Variants in PLCB1 observed in about 807,000 individuals in gnomAD.
PLCB1 encodes the protein phospholipase C beta 1, also known as 1-phosphatidylinositol 4,5-bisphosphate phosphodiesterase beta-1.
A neutral mutation model predicts 161.8 loss-of-function variants in PLCB1; 46 were observed. The ratio of observed to expected loss-of-function variants is 0.28; its 90% CI spans 0.22 to 0.36. The LOEUF is 0.36. Ranked by LOEUF, PLCB1 falls within the 10% of genes least tolerant of loss-of-function variation. The pLI is 1.00. For missense variants in PLCB1, 1,016 were observed against 1,472.5 expected (o/e 0.69, Z 5.07); for synonymous variants, 517 against 503.7 (o/e 1.03, Z -0.35).
At chr20:8,241,285 T>C (rs1980597915) in intron 2 of PLCB1, among the ~76,000 whole-genome samples, 1 of 151,926 alleles carries the variant, frequency 6.6e-6, no homozygotes, top group Non-Finnish European at 1.5e-5. Context: ...TTGGGTTCAT[T>C]CTCTATGAGT....
intron 2 of PLCB1, among the ~76,000 whole-genome samples, chr20:8,308,902 A>G (rs918859814): frequency 6.6e-6 from 1 of 152,058 alleles, no homozygotes; most frequent in African/African-American, 2.4e-5. Flanking sequence ...TGAATCCCAG[A>G]TAGGGACTCA....
intron 3 of PLCB1, among the ~76,000 whole-genome samples, chr20:8,446,914 C>T (rs8115925): frequency 0.076 from 11,478 of 151,886 alleles, 502 homozygotes; most frequent in Middle Eastern, 0.12. Context: ...TTACTTGATG[C>T]ACAATTTGGA....
intron 3 of PLCB1, among the ~76,000 whole-genome samples, chr20:8,417,795 T>A (rs1979367483): frequency 5.3e-5 from 8 of 152,202 alleles, no homozygotes; most frequent in Admixed American, 5.2e-4. Context: ...TCAAATACCA[T>A]CTTGGATACC....
At chr20:8,681,096 A>ATATAT (rs1555782789) in intron 9 of PLCB1, among the ~76,000 whole-genome samples, 2 of 99,050 alleles carry the variant, frequency 2.0e-5, no homozygotes, top group Non-Finnish European at 3.8e-5. Flanking sequence ...GTATATATAT[A>ATATAT]TATATATATA....
intron 23 of PLCB1, among the ~76,000 whole-genome samples, chr20:8,747,488 A>T (rs1981231247): frequency 6.6e-6 from 1 of 152,220 alleles, no homozygotes; most frequent in Non-Finnish European, 1.5e-5. Context: ...GTCTTCGTGT[A>T]ATATTGATGT....
In PLCB1 at chr20:8,428,115, A is replaced by G. The variant is rs1395764751; in HGVS notation, c.246+56665A>G. Among the ~76,000 whole-genome samples, 3 of 152,236 alleles carry G rather than the reference A, an allele frequency of 2.0e-5. No individual in the cohort carries two copies. The East Asian group carries it at 5.8e-4, about 29-fold the overall frequency. On this transcript the variant is annotated intron_variant, in intron 3 of 31. Coordinates refer to ENST00000338037, the MANE Select transcript of PLCB1 (RefSeq NM_015192.4). Reference sequence around the variant, plus strand: ...AAACAGATACAACCAGGTTGGGTCCAAATGATTCAGGACATTCTCAGCAAC... The same window carrying G: ...AAACAGATACAACCAGGTTGGGTCCGAATGATTCAGGACATTCTCAGCAAC...
intron 3 of PLCB1, among the ~76,000 whole-genome samples, chr20:8,478,814 TCTG>T (rs1437858912): frequency 6.6e-6 from 1 of 152,174 alleles, no homozygotes; most frequent in Non-Finnish European, 1.5e-5. Context: ...AAAAAAATTT[TCTG>T]CTACTAATGA....
chr20:8,828,534 C>T (rs1985824821), intron 31 of PLCB1, among the ~76,000 whole-genome samples: 1 of 152,164 alleles, frequency 6.6e-6, no homozygotes, highest in Non-Finnish European at 1.5e-5. Context: ...AGGATGAGCT[C>T]ACTAATAAGA....
intron 31 of PLCB1, among the ~76,000 whole-genome samples, chr20:8,814,029 G>A (rs995784292): frequency 2.2e-4 from 34 of 152,266 alleles, no homozygotes; most frequent in African/African-American, 7.7e-4. Context: ...ACTACCAGAA[G>A]TGGGGTTCAG....
At chr20:8,798,710 T>C (rs1378823092) in intron 31 of PLCB1, among the ~76,000 whole-genome samples, 1 of 152,082 alleles carries the variant, frequency 6.6e-6, no homozygotes, top group Non-Finnish European at 1.5e-5. Context: ...TCAGCAACAA[T>C]GCCTGAGTAT....
intron 3 of PLCB1, among the ~76,000 whole-genome samples, chr20:8,417,054 CATAT>C (rs1568667963): frequency 3.7e-3 from 139 of 38,014 alleles, no homozygotes; most frequent in East Asian, 8.7e-3. Context: ...CACACACACA[CATAT>C]ATATATATAT....
At chr20:8,410,347 CA>C (rs1157010516) in intron 3 of PLCB1, among the ~76,000 whole-genome samples, 1 of 152,116 alleles carries the variant, frequency 6.6e-6, no homozygotes, top group Admixed American at 6.5e-5. Context: ...AGTATTTTCT[CA>C]AAGTAGTTGC....
chr20:8,202,949 G>A (rs1489379042), intron 2 of PLCB1, among the ~76,000 whole-genome samples: 2 of 152,116 alleles, frequency 1.3e-5, no homozygotes, highest in African/African-American at 4.8e-5. Context: ...GGGGGAGCGA[G>A]TCAAAACACT....
intron 3 of PLCB1, among the ~76,000 whole-genome samples, chr20:8,435,740 A>T (rs1025154235): frequency 2.6e-5 from 4 of 152,182 alleles, no homozygotes; most frequent in Non-Finnish European, 5.9e-5. Context: ...CCTTAGTTAC[A>T]GTCTTATGAG....
At chr20:8,297,830 C>T (rs1983706385) in intron 2 of PLCB1, among the ~76,000 whole-genome samples, 2 of 151,986 alleles carry the variant, frequency 1.3e-5, no homozygotes, top group Admixed American at 1.3e-4. Context: ...AGAGAGGCCA[C>T]CTTCAATTCT....
At chr20:8,669,017 T>C (rs1294588240) in intron 9 of PLCB1, among the ~76,000 whole-genome samples, 2 of 152,216 alleles carry the variant, frequency 1.3e-5, no homozygotes, top group South Asian at 2.1e-4. Context: ...ATCTAACTTA[T>C]GAACTGCTAG....
intron 2 of PLCB1, among the ~76,000 whole-genome samples, chr20:8,320,557 G>A (rs1984864220): frequency 6.6e-6 from 1 of 152,056 alleles, no homozygotes; most frequent in African/African-American, 2.4e-5. Context: ...CTTCAGTTAG[G>A]GTTTCCATAT....
chr20:8,333,387 A>C (rs752616527), intron 2 of PLCB1, among the ~76,000 whole-genome samples: 102 of 152,240 alleles, frequency 6.7e-4, no homozygotes, highest in Non-Finnish European at 2.8e-4. Flanking sequence ...ATGAATGTCC[A>C]GCTTTTTACA....
chr20:8,458,312 C>A (rs186931662), intron 3 of PLCB1, among the ~76,000 whole-genome samples: 2 of 152,030 alleles, frequency 1.3e-5, no homozygotes, highest in Non-Finnish European at 2.9e-5. Flanking sequence ...GGCCATTGTC[C>A]GTTTGTATAT....
Sources: gnomAD v4.1 joint callset for allele counts (sites outside exome capture counted in the v4.1 genomes callset) on GRCh38, gnomAD v4.1.1 for gene constraint, MANE v1.5 for transcripts, NCBI Gene and HGNC (gene_info 2026-07-23, HGNC 2026-07-21) for gene names.